The following SLC75A1 variants were observed in gnomAD, a reference collection of about 807,000 sequenced individuals.
SLC75A1 encodes major facilitator superfamily domain containing 10.
chr4:2,930,772 G>A, the SLC75A1 span: 4 of 1,539,570 alleles, frequency 2.6e-6, no homozygotes, highest in African/African-American at 1.4e-5. Context: ...GGGTCAGGCA[G>A]TGGGCAGGGG....
the SLC75A1 span, chr4:2,931,168 G>C: frequency 6.4e-7 from 1 of 1,557,862 alleles, no homozygotes; most frequent in South Asian, 1.2e-5. Context: ...AAGAGGCACA[G>C]TCAGGCACCA....
chr4:2,933,558 C>A, the SLC75A1 span: 1 of 1,613,834 alleles, frequency 6.2e-7, no homozygotes, highest in South Asian at 1.1e-5. Context: ...GGCACAGAGC[C>A]AGCCATACCT....
the SLC75A1 span, chr4:2,931,398 AG>A: frequency 6.4e-7 from 1 of 1,550,838 alleles, no homozygotes; most frequent in Non-Finnish European, 8.7e-7. Flanking sequence ...CAGCAGCCCC[AG>A]GCCCAGCACG....
chr4:2,934,129 A>G, the SLC75A1 span: 1 of 616,342 alleles, frequency 1.6e-6, no homozygotes, highest in Admixed American at 3.0e-5. Flanking sequence ...CAGGAAACGC[A>G]GGCTTCGGGG....
the SLC75A1 span, chr4:2,931,216 A>C: frequency 1.3e-5 from 21 of 1,562,740 alleles, no homozygotes; most frequent in Non-Finnish European, 1.7e-5. Flanking sequence ...GGCCGAGGGA[A>C]GGGGGCTCAC....
the SLC75A1 span, chr4:2,933,455 G>A: frequency 8.3e-7 from 1 of 1,198,992 alleles, no homozygotes. Flanking sequence ...AGACATGCCA[G>A]CCCAGGGAGT....
At chr4:2,934,142 T>C in the SLC75A1 span, 1 of 604,024 alleles carries the variant, frequency 1.7e-6, no homozygotes, top group Non-Finnish European at 2.9e-6. Context: ...CTTCGGGGAT[T>C]GCACAAAAAA....
the SLC75A1 span, chr4:2,933,004 A>C: frequency 1.7e-6 from 2 of 1,199,552 alleles, no homozygotes; most frequent in Non-Finnish European, 2.4e-6. Context: ...ACCAGTGGCC[A>C]TGAGGGGCCC....
the SLC75A1 span, chr4:2,933,810 G>T: frequency 6.3e-7 from 1 of 1,591,018 alleles, no homozygotes; most frequent in East Asian, 2.3e-5. Flanking sequence ...GCAGCGTGAA[G>T]GCCAGGAGGT....
chr4:2,931,463 G>A, the SLC75A1 span: 424 of 1,573,896 alleles, frequency 2.7e-4, no homozygotes, highest in Middle Eastern at 1.7e-3. Flanking sequence ...GCAGCAGGAG[G>A]GCCTGCAGGT....
chr4:2,933,866 G>A, the SLC75A1 span: 3 of 1,584,246 alleles, frequency 1.9e-6, no homozygotes, highest in Non-Finnish European at 2.6e-6. Context: ...CGGCGCTCCG[G>A]CGGCTGCTGG....
At chr4:2,931,277 G>C in the SLC75A1 span, 1 of 1,554,544 alleles carries the variant, frequency 6.4e-7, no homozygotes, top group Non-Finnish European at 8.7e-7. Flanking sequence ...GGCGGCGGCT[G>C]GTGGGAGACA....
chr4:2,932,996 C>T, the SLC75A1 span: 3 of 1,135,008 alleles, frequency 2.6e-6, no homozygotes, highest in South Asian at 3.0e-5. Context: ...GAGGGCCAAC[C>T]AGTGGCCATG....
the SLC75A1 span, chr4:2,930,735 G>A: frequency 3.0e-6 from 4 of 1,351,884 alleles, no homozygotes; most frequent in East Asian, 5.0e-5. Context: ...CCCACCCACA[G>A]GGTCTCCCTG....
the SLC75A1 span, chr4:2,934,206 G>A: frequency 2.2e-6 from 1 of 447,182 alleles, no homozygotes; most frequent in East Asian, 3.7e-5. Context: ...CGCGGACCTG[G>A]CCCCACCCCA....
the SLC75A1 span, chr4:2,930,939 C>T: frequency 5.6e-6 from 9 of 1,613,000 alleles, no homozygotes; most frequent in South Asian, 3.3e-5. Context: ...GCCTGGGCCC[C>T]GGCCAGCCAG....
At chr4:2,933,648 AGC>A in the SLC75A1 span, 1 of 1,613,784 alleles carries the variant, frequency 6.2e-7, no homozygotes, top group South Asian at 1.1e-5. Flanking sequence ...CCCTGCCAGG[AGC>A]CATAGAGGGG....
the SLC75A1 span, chr4:2,934,216 A>G: frequency 2.6e-6 from 1 of 392,080 alleles, no homozygotes; most frequent in South Asian, 4.5e-5. Flanking sequence ...GCCCCACCCC[A>G]CCCCACGGCC....
At chr4:2,930,680 G>A in the SLC75A1 span, 10 of 722,262 alleles carry the variant, frequency 1.4e-5, no homozygotes, top group South Asian at 5.7e-5. Flanking sequence ...GAAGGAGTAA[G>A]TAAGTCTGGA....
Sources: allele counts gnomAD v4.1 joint callset, GRCh38; gene constraint gnomAD v4.1.1; transcripts MANE v1.5; gene names NCBI Gene and HGNC (gene_info 2026-07-23, HGNC 2026-07-21).